Variants in PTK2B observed in about 807,000 individuals in gnomAD.
PTK2B encodes the protein protein-tyrosine kinase 2-beta.
PTK2B carries 71 observed loss-of-function variants against 142.9 expected under a neutral mutation model. The observed-to-expected ratio is 0.50, with a 90% CI of 0.41 to 0.61. PTK2B has a LOEUF of 0.61. PTK2B is among the 20% of genes least tolerant of loss of function. The pLI is 0.00. For synonymous variants in PTK2B, 519 were observed against 503.4 expected (o/e 1.03, Z -0.42); for missense variants, 1,105 against 1,320.4 (o/e 0.84, Z 2.53).
At chr8:27,417,080 C>CCTCTTT (rs1563267445) in intron 2 of PTK2B, among the ~76,000 whole-genome samples, 3 of 152,086 alleles carry the variant, frequency 2.0e-5, no homozygotes, top group Non-Finnish European at 2.9e-5. Flanking sequence ...AATTCCTCTT[C>CCTCTTT]TCAGCATTTA....
chr8:27,431,214 T>C lies in PTK2B; in HGVS notation c.811-184T>C, dbSNP rs1810396625. 3.4e-6 allele frequency: 5 copies of C among 1,479,260 alleles called. No individual in the cohort carries two copies. In the South Asian group the frequency reaches 6.7e-5, roughly 20 times the overall value. 91.6% of individuals were successfully genotyped at this position (1,479,260 alleles called of 1,614,324 possible). A position where few individuals can be genotyped will look rare whatever the true frequency, so the allele number is the denominator to read the frequency against. On this transcript the variant is annotated intron_variant, in intron 8 of 30. Transcript: ENST00000346049. The stretch of plus-strand genomic sequence containing the variant: ...GCACTGAAATGTTGGCCTCCAGCTC[T>C]GGGAGGTGGGCAGGACAGGCAAGGT...
chr8:27,347,252 C>G (rs545472661), intron 1 of PTK2B, among the ~76,000 whole-genome samples: 1 of 151,034 alleles, frequency 6.6e-6, no homozygotes, highest in East Asian at 1.9e-4. Context: ...TGGTGGCATG[C>G]GCCTGTAATC....
intron 1 of PTK2B, among the ~76,000 whole-genome samples, chr8:27,385,109 CGGA>C (rs1168977694): frequency 6.6e-6 from 1 of 152,184 alleles, no homozygotes; most frequent in Non-Finnish European, 1.5e-5. Flanking sequence ...TGCTCATCCT[CGGA>C]GACCTCATCC....
At position 27,451,039 on chromosome 8, in the gene PTK2B, G is replaced by T; in HGVS notation, c.2488-4G>T. ...GTCCTTCGCTCTTGTTTCTTCCTCTGCAGGACCCCATGGTTTATATGAATG... is the reference window on the plus strand; with the variant it reads ...GTCCTTCGCTCTTGTTTCTTCCTCTTCAGGACCCCATGGTTTATATGAATG... On this transcript the variant is annotated splice_polypyrimidine_tract_variant and splice_region_variant and intron_variant, in intron 25 of 30. Coordinates refer to ENST00000346049, the MANE Select transcript of PTK2B (RefSeq NM_173176.3). 6.2e-7 allele frequency: 1 copy of T among 1,612,670 alleles called. No homozygotes were observed. The highest frequency in any genetic ancestry group is 8.5e-7 in the Non-Finnish European group (1 of 1,178,660).
chr8:27,405,484 T>C, intron 2 of PTK2B, among the ~76,000 whole-genome samples: 1 of 152,146 alleles, frequency 6.6e-6, no homozygotes, highest in African/African-American at 2.4e-5. Context: ...AAGGCTGGTC[T>C]CCCATGCATG....
At chr8:27,436,417 G>C in intron 15 of PTK2B, 69 bp downstream of exon 15, 1 of 1,470,094 alleles carries the variant, frequency 6.8e-7, no homozygotes, top group South Asian at 1.2e-5. Context: ...GCTCGAATCT[G>C]AGCAGGTTGG....
At chr8:27,449,889 G>A (rs1368536241) in intron 24 of PTK2B, among the ~76,000 whole-genome samples, 1 of 152,076 alleles carries the variant, frequency 6.6e-6, no homozygotes, top group African/African-American at 2.4e-5. Flanking sequence ...TCTAGGGAGA[G>A]GAAGCATTTA....
intron 1 of PTK2B, among the ~76,000 whole-genome samples, chr8:27,356,365 G>T (rs1211077859): frequency 6.6e-6 from 1 of 152,226 alleles, no homozygotes; most frequent in East Asian, 1.9e-4. Flanking sequence ...CAAGAGTCTG[G>T]CCAGGGAGAT....
At position 27,432,291 on chromosome 8, in the gene PTK2B, G is replaced by T; in HGVS notation, c.917G>T (p.Arg306Met). 6 of 1,614,122 alleles carry T rather than the reference G, an allele frequency of 3.7e-6. No individual in the cohort carries two copies. Among genetic ancestry groups the T allele is most frequent in the Middle Eastern group, 1.6e-4 (1 of 6,062 alleles). ...PTCLAEFKQIRSIRCLPLEEG... is the reference protein window; with the variant it reads ...PTCLAEFKQIMSIRCLPLEEG... ...TGCCTGGCCGAGTTCAAGCAGATCA[G>T]GTCCATCAGGTGCCTCCCGCTGGAG... Residue 306 changes from arginine to methionine, a missense_variant, in exon 10 of 31, where the codon AGG becomes ATG. By Grantham distance (91) the Arg-to-Met change is moderately conservative (BLOSUM62 -1). Transcript: ENST00000346049.
At chr8:27,420,633 C>T (rs1452095229) in intron 3 of PTK2B, 24 bp from the exon 4 acceptor site, 7 of 1,604,182 alleles carry the variant, frequency 4.4e-6, no homozygotes, top group African/African-American at 1.3e-5. Context: ...CTGTGTCAAC[C>T]AGAGCCTGAA....
intron 1 of PTK2B, among the ~76,000 whole-genome samples, chr8:27,352,414 C>T (rs116121643): frequency 0.012 from 1,760 of 152,314 alleles, 38 homozygotes; most frequent in African/African-American, 0.04. Context: ...AACCATCTCA[C>T]CTCTTCTAAA....
intron 15 of PTK2B, 98 bp downstream of exon 15, chr8:27,436,446 C>A: frequency 8.5e-7 from 1 of 1,183,084 alleles, no homozygotes; most frequent in Non-Finnish European, 1.2e-6. Context: ...CAGCCTTCAT[C>A]CACTTGGGGC....
rs777010738 is a variant in PTK2B at position 27,430,405 on chromosome 8, A to G, written c.656A>G (p.Gln219Arg). 6.2e-7 allele frequency: 1 copy of G among 1,614,168 alleles called. No homozygotes were observed. The change falls in exon 7 of 31, where the codon CAG becomes CGG. Residue 219 changes from glutamine (Q) to arginine (R), a missense_variant. Coordinates refer to ENST00000346049, the MANE Select transcript of PTK2B (RefSeq NM_173176.3). Reference sequence around the variant, plus strand: ...GACTTGTTTTTCCCAAAGCAGATGCAGGAGAACTTAAAGGTGAGGAAACCA... The same window carrying G: ...GACTTGTTTTTCCCAAAGCAGATGCGGGAGAACTTAAAGGTGAGGAAACCA... ...GLDLFFPKQM[Q>R]ENLKPKQFRK...
chr8:27,403,064 C>T (rs1808476540), intron 2 of PTK2B, among the ~76,000 whole-genome samples: 1 of 152,214 alleles, frequency 6.6e-6, no homozygotes, highest in Admixed American at 6.5e-5. Context: ...CCTCTTGGAG[C>T]AGCCCTTCTT....
rs867133026 is a variant in PTK2B, at chr8:27,450,958, G to C, written c.2487+63G>C. 1.1e-4 allele frequency: 182 copies of C among 1,613,114 alleles called. 1 individual carries two copies. Among genetic ancestry groups the C allele is most frequent in the South Asian group, 6.6e-4 (60 of 91,070 alleles). ...ATCTGTGTCCTCTTCCACCTCCCCA[G>C]GTGGCTGGGGCAAGGGTCCCCTGCA... is the stretch of plus-strand genomic sequence containing the variant. On this transcript the variant is annotated intron_variant, in intron 25 of 30. Transcript: ENST00000346049.
At chr8:27,414,578 A>G (rs1809271048) in intron 2 of PTK2B, among the ~76,000 whole-genome samples, 1 of 23,272 alleles carries the variant, frequency 4.3e-5, no homozygotes, top group African/African-American at 1.7e-4. Context: ...CTTTCCATAA[A>G]TGAAGCTCAG....
chr8:27,394,167 G>T (rs1807896808), intron 1 of PTK2B, among the ~76,000 whole-genome samples: 1 of 152,076 alleles, frequency 6.6e-6, no homozygotes, highest in African/African-American at 2.4e-5. Context: ...TCACTCTCTG[G>T]GTTGGGTACA....
intron 3 of PTK2B, among the ~76,000 whole-genome samples, chr8:27,314,805 C>T (rs561664091): frequency 6.6e-6 from 1 of 152,310 alleles, no homozygotes; most frequent in Admixed American, 6.5e-5. Context: ...AACCTGGACA[C>T]CCTCCACCAT....
chr8:27,397,046 G>A (rs1490476749), intron 1 of PTK2B, among the ~76,000 whole-genome samples: 1 of 152,224 alleles, frequency 6.6e-6, no homozygotes, highest in Non-Finnish European at 1.5e-5. Flanking sequence ...CTCCACCTGG[G>A]CCCTTTCCTG....
Sources: allele counts gnomAD v4.1 joint callset (sites outside exome capture counted in the v4.1 genomes callset), GRCh38; gene constraint gnomAD v4.1.1; transcripts MANE v1.5; gene names NCBI Gene and HGNC (gene_info 2026-07-23, HGNC 2026-07-21).